Variants in NR2F1-AS1 observed in about 807,000 individuals in gnomAD.
The protein encoded by NR2F1-AS1 is NR2F1 regulatory antisense RNA 1, also known as NR2F1 antisense RNA 1.
chr5:93,479,993 C>A (rs906318875), intron 4 of NR2F1-AS1, among the ~76,000 whole-genome samples: 24 of 150,842 alleles, frequency 1.6e-4, no homozygotes, highest in African/African-American at 4.9e-4. Flanking sequence ...TATGAACAGA[C>A]AAAAAAAATT....
intron 4 of NR2F1-AS1, among the ~76,000 whole-genome samples, chr5:93,455,347 C>T (rs904331124): frequency 1.3e-5 from 2 of 152,074 alleles, no homozygotes; most frequent in Admixed American, 1.3e-4. Context: ...TAAAGATAGA[C>T]TGTGATAAGT....
intron 4 of NR2F1-AS1, among the ~76,000 whole-genome samples, chr5:93,545,991 G>A (rs1180492585): frequency 3.9e-5 from 6 of 152,180 alleles, no homozygotes; most frequent in South Asian, 4.1e-4. Context: ...ACCTGAGTGG[G>A]ATAGGAAAAA....
chr5:93,564,991 T>C (rs1211577072), intron 1 of NR2F1-AS1, among the ~76,000 whole-genome samples: 1 of 152,116 alleles, frequency 6.6e-6, no homozygotes, highest in African/African-American at 2.4e-5. Context: ...GGTTTTTCCC[T>C]ACAGAAAAGA....
chr5:93,479,227 A>T (rs970040316), intron 4 of NR2F1-AS1, among the ~76,000 whole-genome samples: 3 of 152,154 alleles, frequency 2.0e-5, no homozygotes, highest in Admixed American at 6.5e-5. Flanking sequence ...TTGAAAAAAA[A>T]ATTGGGTTTC....
At chr5:93,413,416 AAAGCTTT>A (rs1194710716) in intron 4 of NR2F1-AS1, among the ~76,000 whole-genome samples, 2 of 152,044 alleles carry the variant, frequency 1.3e-5, no homozygotes, top group African/African-American at 4.8e-5. Flanking sequence ...AGAAAAAGTT[AAAGCTTT>A]AACTTCTGTG....
chr5:93,561,730 A>G (rs577074068), intron 2 of NR2F1-AS1, among the ~76,000 whole-genome samples: 2 of 152,082 alleles, frequency 1.3e-5, no homozygotes, highest in Non-Finnish European at 2.9e-5. Context: ...CTGTGTTGAC[A>G]CCACTGCACT....
chr5:93,553,156 G>T (rs1752272842), intron 4 of NR2F1-AS1, among the ~76,000 whole-genome samples: 1 of 138,138 alleles, frequency 7.2e-6, no homozygotes, highest in Non-Finnish European at 1.5e-5. Flanking sequence ...TGGAGACACA[G>T]TCTTGCTCTG....
At chr5:93,477,889 CATAATT>C (rs1244986250) in intron 4 of NR2F1-AS1, among the ~76,000 whole-genome samples, 5 of 152,172 alleles carry the variant, frequency 3.3e-5, no homozygotes, top group Non-Finnish European at 5.9e-5. Flanking sequence ...AGTGCCTTCT[CATAATT>C]ATAAATATAA....
intron 4 of NR2F1-AS1, among the ~76,000 whole-genome samples, chr5:93,476,814 AC>A (rs1350736804): frequency 6.6e-6 from 1 of 152,028 alleles, no homozygotes; most frequent in Non-Finnish European, 1.5e-5. Context: ...TTAACTATAA[AC>A]CACCTTTTTG....
At chr5:93,487,235 A>C in intron 4 of NR2F1-AS1, among the ~76,000 whole-genome samples, 1 of 152,324 alleles carries the variant, frequency 6.6e-6, no homozygotes, top group East Asian at 1.9e-4. Flanking sequence ...TAGTATTGGA[A>C]GTTCTGGCCG....
chr5:93,536,465 T>C (rs1057502453), intron 4 of NR2F1-AS1, among the ~76,000 whole-genome samples: 1 of 151,808 alleles, frequency 6.6e-6, no homozygotes, highest in Non-Finnish European at 1.5e-5. Context: ...TCACAAAAAC[T>C]CCAAATAGCA....
intron 1 of NR2F1-AS1, among the ~76,000 whole-genome samples, chr5:93,567,788 C>A (rs547626169): frequency 1.3e-5 from 2 of 152,310 alleles, no homozygotes; most frequent in African/African-American, 4.8e-5. Context: ...AAAGATTTTT[C>A]TTCCACAGTG....
At chr5:93,468,512 A>G (rs1750292685) in intron 4 of NR2F1-AS1, among the ~76,000 whole-genome samples, 2 of 152,106 alleles carry the variant, frequency 1.3e-5, no homozygotes, top group South Asian at 4.1e-4. Context: ...TTTCTTGTAA[A>G]GTTGTTTAAG....
At chr5:93,434,402 T>C (rs961045856) in intron 4 of NR2F1-AS1, among the ~76,000 whole-genome samples, 1 of 152,200 alleles carries the variant, frequency 6.6e-6, no homozygotes, top group Non-Finnish European at 1.5e-5. Flanking sequence ...CCTGTTTGTG[T>C]TTGACCCACA....
intron 4 of NR2F1-AS1, among the ~76,000 whole-genome samples, chr5:93,458,011 G>A (rs1580242012): frequency 6.6e-6 from 1 of 152,128 alleles, no homozygotes; most frequent in Non-Finnish European, 1.5e-5. Context: ...CAGTGACGAC[G>A]CTTGAGCGTA....
chr5:93,526,425 A>G (rs1275693158), intron 4 of NR2F1-AS1, among the ~76,000 whole-genome samples: 1 of 152,202 alleles, frequency 6.6e-6, no homozygotes, highest in East Asian at 1.9e-4. Flanking sequence ...TACAAAGAGG[A>G]TCTGGTACCA....
intron 4 of NR2F1-AS1, among the ~76,000 whole-genome samples, chr5:93,490,887 A>T (rs2149880047): frequency 8.2e-6 from 1 of 122,184 alleles, no homozygotes; most frequent in Non-Finnish European, 1.7e-5. Flanking sequence ...GTTGATAGTC[A>T]TTGTGGTTGT....
At chr5:93,546,801 T>C (rs2149909469) in intron 4 of NR2F1-AS1, among the ~76,000 whole-genome samples, 1 of 152,376 alleles carries the variant, frequency 6.6e-6, no homozygotes. Flanking sequence ...GTTAGTTTTA[T>C]GGATCAATTT....
At chr5:93,469,286 A>G (rs1750315403) in intron 4 of NR2F1-AS1, among the ~76,000 whole-genome samples, 1 of 152,124 alleles carries the variant, frequency 6.6e-6, no homozygotes, top group South Asian at 2.1e-4. Context: ...CCCATAGAAC[A>G]TGTAACTGTA....
Sources: gnomAD v4.1 joint callset for allele counts (sites outside exome capture counted in the v4.1 genomes callset) on GRCh38, gnomAD v4.1.1 for gene constraint, MANE v1.5 for transcripts, NCBI Gene and HGNC (gene_info 2026-07-23, HGNC 2026-07-21) for gene names.